CDH12: variants seen among roughly 807,000 people sequenced by gnomAD.
CDH12 encodes the protein cadherin-12.
CDH12 carries 41 observed loss-of-function variants against 74.1 expected under a neutral mutation model. The ratio of observed to expected loss-of-function variants is 0.55; its 90% CI spans 0.43 to 0.72. The LOEUF (loss-of-function observed/expected upper bound fraction) is 0.72, where lower values mean the gene tolerates loss of function less well. Ranked by LOEUF, CDH12 falls within the 30% of genes least tolerant of loss-of-function variation. The pLI, the probability that CDH12 is intolerant of heterozygous loss-of-function variation, is 0.00. For missense variants in CDH12, 945 were observed against 977.2 expected, an observed-to-expected ratio of 0.97 and a Z score of 0.44; for synonymous variants, 399 against 355.0, an observed-to-expected ratio of 1.12 and a Z score of -1.39.
chr5:22,232,891 AT>A (rs1390229038), intron 3 of CDH12, among the ~76,000 whole-genome samples: 1 of 147,232 alleles, frequency 6.8e-6, no homozygotes, highest in Non-Finnish European at 1.5e-5. Flanking sequence ...TTTATTATAT[AT>A]TTTCTATATA....
chr5:22,361,296 A>G (rs911772742), intron 3 of CDH12, among the ~76,000 whole-genome samples: 7 of 152,190 alleles, frequency 4.6e-5, no homozygotes, highest in Non-Finnish European at 1.0e-4. Flanking sequence ...ACAGACAAAC[A>G]GAGAGCCAAA....
intron 3 of CDH12, among the ~76,000 whole-genome samples, chr5:22,268,229 T>C (rs1205300812): frequency 6.6e-6 from 1 of 152,108 alleles, no homozygotes; most frequent in East Asian, 1.9e-4. Flanking sequence ...ATTCTTGCTC[T>C]CACTCTCTTT....
chr5:21,915,792 C>T (rs1754058969), intron 6 of CDH12, among the ~76,000 whole-genome samples: 1 of 148,842 alleles, frequency 6.7e-6, no homozygotes, highest in Non-Finnish European at 1.5e-5. Flanking sequence ...TCCGCTAAGC[C>T]TTGGGTACAC....
At chr5:22,154,762 T>G (rs1041678512) in intron 4 of CDH12, among the ~76,000 whole-genome samples, 7 of 152,134 alleles carry the variant, frequency 4.6e-5, no homozygotes, top group African/African-American at 1.7e-4. Context: ...TATTTTTCTG[T>G]CTATTGCATT....
intron 5 of CDH12, among the ~76,000 whole-genome samples, chr5:22,051,255 A>G (rs765121546): frequency 6.6e-6 from 1 of 152,116 alleles, no homozygotes; most frequent in Non-Finnish European, 1.5e-5. Flanking sequence ...AGCCTGTTCC[A>G]TAGAAGGCAC....
intron 3 of CDH12, among the ~76,000 whole-genome samples, chr5:22,237,437 T>G (rs9293013): frequency 0.018 from 2,743 of 152,256 alleles, 35 homozygotes; most frequent in African/African-American, 0.024. Flanking sequence ...GTTGGGCCTT[T>G]GGGAGGTAAT....
chr5:22,385,908 T>TTTA (rs1741977487), intron 3 of CDH12, among the ~76,000 whole-genome samples: 2 of 148,804 alleles, frequency 1.3e-5, no homozygotes, highest in Admixed American at 6.7e-5. Context: ...TTTTTTTTTT[T>TTTA]GAGACTGAGT....
At chr5:21,907,810 CTT>C (rs1262658491) in intron 6 of CDH12, among the ~76,000 whole-genome samples, 7 of 152,184 alleles carry the variant, frequency 4.6e-5, no homozygotes, top group Non-Finnish European at 1.0e-4. Context: ...TCTGCCCAGA[CTT>C]GGTCTACCCC....
At chr5:21,784,537 G>A (rs148951049) in intron 10 of CDH12, among the ~76,000 whole-genome samples, 7 of 152,216 alleles carry the variant, frequency 4.6e-5, no homozygotes, top group African/African-American at 2.4e-5. Flanking sequence ...TTATTACACA[G>A]TCTTACCAAT....
chr5:22,751,239 A>G (rs4701298), intron 1 of CDH12, among the ~76,000 whole-genome samples: 125,567 of 150,342 alleles, frequency 0.84, 52,530 homozygotes, highest in Non-Finnish European at 0.86. Flanking sequence ...GACTTATCGC[A>G]TATCTGAAAA....
chr5:22,176,207 C>G (rs540159470), intron 4 of CDH12, among the ~76,000 whole-genome samples: 2 of 152,004 alleles, frequency 1.3e-5, no homozygotes, highest in Non-Finnish European at 2.9e-5. Context: ...CTTTGTATAT[C>G]TGAATGCAGT....
rs932905629 is a variant in CDH12, at chr5:21,918,924, C to T, written c.526+56167G>A. On this transcript the variant is annotated intron_variant, in intron 6 of 14. Transcript: ENST00000382254. ...ATATCTCTAATGTATATTCTATATACTTTTCAGTTTTACAAAGTCATATTG... is the reference window on the plus strand; with the variant it reads ...ATATCTCTAATGTATATTCTATATATTTTTCAGTTTTACAAAGTCATATTG... Among the ~76,000 whole-genome samples, 3 of 152,088 alleles carry T rather than the reference C, an allele frequency of 2.0e-5. No individual in the cohort carries two copies. The South Asian group carries it at 6.2e-4, about 32-fold the overall frequency.
intron 5 of CDH12, among the ~76,000 whole-genome samples, chr5:22,054,792 T>C (rs1284689021): frequency 1.3e-5 from 2 of 152,114 alleles, no homozygotes; most frequent in Admixed American, 6.6e-5. Context: ...AAAGTCACCA[T>C]AATGATTGGG....
intron 12 of CDH12, among the ~76,000 whole-genome samples, chr5:21,764,537 T>C (rs1744904069): frequency 6.7e-6 from 1 of 149,954 alleles, no homozygotes; most frequent in African/African-American, 2.5e-5. Flanking sequence ...TAATCCCAGC[T>C]ACTTGGGAGG....
intron 6 of CDH12, among the ~76,000 whole-genome samples, chr5:21,970,785 C>T (rs545100157): frequency 1.2e-4 from 16 of 128,662 alleles, no homozygotes; most frequent in South Asian, 2.6e-4. Context: ...GGTTGCAGTG[C>T]GCCAAGACCA....
chr5:22,039,379 G>A (rs1739416514), intron 5 of CDH12, among the ~76,000 whole-genome samples: 1 of 151,994 alleles, frequency 6.6e-6, no homozygotes, highest in Non-Finnish European at 1.5e-5. Flanking sequence ...CCCAGCTCTT[G>A]TGGGCAATCT....
rs370725699 is a variant in CDH12, at chr5:22,746,871, AG to A, written c.-523+106186del. Among the ~76,000 whole-genome samples the A allele has an allele frequency of 7.2e-5, 11 of 152,330 alleles. No homozygotes were observed. The East Asian group carries it at 1.5e-3, about 21-fold the overall frequency. On this transcript the variant is annotated intron_variant, in intron 1 of 14. Transcript: ENST00000382254. ...TCAAACTATGACTGGAAAAGACAAAAGTATATAATCATTATGTGGTAGACAC... is the reference window on the plus strand; with the variant it reads ...TCAAACTATGACTGGAAAAGACAAAATATATAATCATTATGTGGTAGACAC...
intron 4 of CDH12, among the ~76,000 whole-genome samples, chr5:22,181,457 C>CT (rs918722780): frequency 4.6e-5 from 7 of 152,026 alleles, no homozygotes; most frequent in African/African-American, 1.5e-4. Flanking sequence ...TCATCTTTGC[C>CT]TTTTTTTCTT....
chr5:22,686,676 A>C (rs1173927311), intron 1 of CDH12, among the ~76,000 whole-genome samples: 4 of 152,172 alleles, frequency 2.6e-5, no homozygotes, highest in African/African-American at 9.7e-5. Context: ...CTGTCTCTTA[A>C]TCAGTAGGAT....
Sources: allele counts gnomAD v4.1 joint callset (sites outside exome capture counted in the v4.1 genomes callset), GRCh38; gene constraint gnomAD v4.1.1; transcripts MANE v1.5; gene names NCBI Gene and HGNC (gene_info 2026-07-23, HGNC 2026-07-21).